The following TTC28 variants were observed in gnomAD, a reference collection of about 807,000 sequenced individuals.
TTC28 encodes tetratricopeptide repeat domain 28, also known as tetratricopeptide repeat protein 28.
Under a neutral mutation model 198.0 loss-of-function variants are expected in TTC28, and 61 were observed. That is an observed-to-expected ratio of 0.31 (90% confidence interval 0.25 to 0.38). The LOEUF is 0.38. Ranked by LOEUF, TTC28 falls within the 10% of genes least tolerant of loss-of-function variation. The pLI is 1.00. For synonymous variants in TTC28, 1,171 were observed against 1,297.8 expected (o/e 0.90, Z 2.10); for missense variants, 2,678 against 3,164.0 (o/e 0.85, Z 3.69).
chr22:28,644,458 A>C (rs769351194), intron 1 of TTC28, among the ~76,000 whole-genome samples: 1 of 151,626 alleles, frequency 6.6e-6, no homozygotes, highest in Non-Finnish European at 1.5e-5. Context: ...CTAAATGACT[A>C]CTGAGGCCTG....
At chr22:28,279,110 A>G (rs12170637) in intron 5 of TTC28, among the ~76,000 whole-genome samples, 20,020 of 152,160 alleles carry the variant, frequency 0.13, 1,513 homozygotes, top group African/African-American at 0.18. Flanking sequence ...ACAAAGATAC[A>G]GTCAAAAGAA....
chr22:28,105,397 G>T lies in TTC28; in HGVS notation c.3189C>A (p.His1063Gln). 6.4e-7 allele frequency: 1 copy of T among 1,551,744 alleles called. No homozygotes were observed. Among genetic ancestry groups the T allele is most frequent in the Non-Finnish European group, 8.7e-7 (1 of 1,147,014 alleles). The change falls in exon 8 of 23, where the codon CAC becomes CAA. Residue 1063 changes from histidine (H) to glutamine (Q), a missense_variant. By Grantham distance (24) the His-to-Gln change is conservative. Around this residue, in one of 8 missense-constraint regions of TTC28, gnomAD observed 727 missense variants for 861.9 expected, o/e 0.84. Coordinates refer to ENST00000397906, the MANE Select transcript of TTC28 (RefSeq NM_001145418.2). ...CATTCATCTGTGCAGCAATGCTCAA[G>T]TGCTGTTCTTGATAGACCACAGCCC... ...FERAVVYQEQ[H>Q]LSIAAQMNDL...
intron 5 of TTC28, among the ~76,000 whole-genome samples, chr22:28,187,049 A>C (rs1273592513): frequency 6.6e-6 from 1 of 152,188 alleles, no homozygotes; most frequent in East Asian, 1.9e-4. Context: ...GAGGGTAAAT[A>C]AATCAGTTTT....
At chr22:28,251,078 GC>G (rs1930475850) in intron 5 of TTC28, among the ~76,000 whole-genome samples, 1 of 152,168 alleles carries the variant, frequency 6.6e-6, no homozygotes, top group African/African-American at 2.4e-5. Context: ...AATGATCACA[GC>G]TTTTAAGAAA....
chr22:27,995,874 A>G (rs767895797), intron 17 of TTC28, among the ~76,000 whole-genome samples: 2 of 152,152 alleles, frequency 1.3e-5, no homozygotes, highest in Non-Finnish European at 2.9e-5. Flanking sequence ...CCCTCAGGCC[A>G]GCGGGCTCAT....
intron 2 of TTC28, among the ~76,000 whole-genome samples, chr22:28,390,134 T>C (rs2046690416): frequency 6.6e-6 from 1 of 152,192 alleles, no homozygotes; most frequent in South Asian, 2.1e-4. Context: ...TTGTTCAGTT[T>C]CCATGTAGTT....
At chr22:28,353,705 G>A (rs777886366) in intron 2 of TTC28, among the ~76,000 whole-genome samples, 17 of 152,150 alleles carry the variant, frequency 1.1e-4, no homozygotes, top group South Asian at 4.2e-4. Context: ...TCATTTTTGC[G>A]CATCAAAGGG....
At chr22:28,611,820 C>T (rs1355325411) in intron 2 of TTC28, among the ~76,000 whole-genome samples, 1 of 151,732 alleles carries the variant, frequency 6.6e-6, no homozygotes, top group Non-Finnish European at 1.5e-5. Flanking sequence ...CATCCATGTC[C>T]CTACAAAGGA....
intron 6 of TTC28, among the ~76,000 whole-genome samples, chr22:28,158,367 T>C (rs1183998398): frequency 6.6e-6 from 1 of 152,024 alleles, no homozygotes; most frequent in Non-Finnish European, 1.5e-5. Flanking sequence ...GCAATCCATA[T>C]CAAAACACCA....
At chr22:28,145,395 A>G (rs947426871) in intron 6 of TTC28, among the ~76,000 whole-genome samples, 2 of 152,192 alleles carry the variant, frequency 1.3e-5, no homozygotes, top group African/African-American at 4.8e-5. Context: ...TTGGCACCAC[A>G]AAACATTAGA....
intron 2 of TTC28, among the ~76,000 whole-genome samples, chr22:28,325,412 T>C (rs1344461227): frequency 6.6e-6 from 1 of 152,124 alleles, no homozygotes; most frequent in Non-Finnish European, 1.5e-5. Flanking sequence ...TTTTATATTA[T>C]GTGAACCTCA....
chr22:28,358,195 C>T (rs2046106671), intron 2 of TTC28, among the ~76,000 whole-genome samples: 1 of 152,106 alleles, frequency 6.6e-6, no homozygotes, highest in Admixed American at 6.6e-5. Context: ...TTTGGTCGAA[C>T]TAATATGCAT....
chr22:28,156,338 C>A (rs1221497457), intron 6 of TTC28, among the ~76,000 whole-genome samples: 2 of 152,082 alleles, frequency 1.3e-5, no homozygotes, highest in East Asian at 1.9e-4. Context: ...AGTGATGTAT[C>A]CTGAAGGAGG....
At chr22:28,536,415 G>C (rs1234148580) in intron 2 of TTC28, among the ~76,000 whole-genome samples, 1 of 151,560 alleles carries the variant, frequency 6.6e-6, no homozygotes, top group Non-Finnish European at 1.5e-5. Flanking sequence ...ACGAGGTCAG[G>C]AGATCGAGAC....
chr22:28,229,089 G>A (rs1281245278), intron 5 of TTC28, among the ~76,000 whole-genome samples: 1 of 152,152 alleles, frequency 6.6e-6, no homozygotes, highest in Non-Finnish European at 1.5e-5. Flanking sequence ...CTGGGAGGTG[G>A]AGGTTGCAGT....
At chr22:28,091,710 T>C (rs1352970583) in intron 12 of TTC28, among the ~76,000 whole-genome samples, 2 of 152,124 alleles carry the variant, frequency 1.3e-5, no homozygotes, top group Non-Finnish European at 2.9e-5. Context: ...AGTATTTGAG[T>C]GCTCACTCTA....
chr22:28,090,453 T>A (rs1485904967), intron 12 of TTC28, among the ~76,000 whole-genome samples: 1 of 152,188 alleles, frequency 6.6e-6, no homozygotes, highest in Non-Finnish European at 1.5e-5. Context: ...CATAATTTGT[T>A]TGTAATTCAA....
At chr22:28,310,803 A>T (rs2045242775) in intron 2 of TTC28, among the ~76,000 whole-genome samples, 1 of 147,634 alleles carries the variant, frequency 6.8e-6, no homozygotes, top group African/African-American at 2.5e-5. Flanking sequence ...TTTTTTTGAG[A>T]CAGAGTCTTG....
chr22:28,669,553 A>G (rs1486413518), intron 1 of TTC28, among the ~76,000 whole-genome samples: 1 of 152,188 alleles, frequency 6.6e-6, no homozygotes, highest in Non-Finnish European at 1.5e-5. Flanking sequence ...AGCTCCTAGT[A>G]GAGAACTGGT....
Sources: gnomAD v4.1 joint callset for allele counts (sites outside exome capture counted in the v4.1 genomes callset) on GRCh38, gnomAD v4.1.1 for gene constraint, gnomAD v4.1.1 regional missense constraint, MANE v1.5 for transcripts, NCBI Gene and HGNC (gene_info 2026-07-23, HGNC 2026-07-21) for gene names.